The following COL13A1 variants were observed in gnomAD, a reference collection of about 807,000 sequenced individuals.
COL13A1 encodes collagen type XIII alpha 1 chain, also known as collagen alpha-1(XIII) chain.
In COL13A1, 89 loss-of-function variants were observed where a neutral mutation model predicts 130.9. That is an observed-to-expected ratio of 0.68 (90% CI 0.57 to 0.81). COL13A1 has a LOEUF of 0.81. Among genes scored for constraint, COL13A1 ranks in the 30% least tolerant of loss-of-function variants. The pLI is 0.00. For missense variants in COL13A1, 879 were observed against 934.6 expected (o/e 0.94, Z 0.78); for synonymous variants, 402 against 341.6 (o/e 1.18, Z -1.95).
At chr10:69,910,954 C>A (rs1013903278) in intron 17 of COL13A1, among the ~76,000 whole-genome samples, 1 of 152,212 alleles carries the variant, frequency 6.6e-6, no homozygotes, top group African/African-American at 2.4e-5. Context: ...AACACACATT[C>A]CCCTCTTTCA....
At chr10:69,876,788 G>A (rs55884011) in intron 5 of COL13A1, among the ~76,000 whole-genome samples, 15,438 of 152,284 alleles carry the variant, frequency 0.1, 1,013 homozygotes, top group Non-Finnish European at 0.15. Flanking sequence ...CCAAAATAGG[G>A]TGGAGTTGGG....
chr10:69,943,168 C>G (rs1311746966), intron 35 of COL13A1, among the ~76,000 whole-genome samples: 1 of 152,170 alleles, frequency 6.6e-6, no homozygotes, highest in Non-Finnish European at 1.5e-5. Context: ...TTCTGCTGTG[C>G]TATTATGGAT....
At position 69,855,865 on chromosome 10, in the gene COL13A1, C is replaced by G. The variant is rs1051518493; in HGVS notation, c.365-11933C>G. On this transcript the variant is annotated intron_variant, in intron 2 of 40. Coordinates refer to ENST00000645393, the MANE Select transcript of COL13A1 (RefSeq NM_001368882.1). ...TTCCACTCTTGGTCAAACTAACTCTCACGTACAAGTTCAATGTCCAAACAC... is the reference window on the plus strand; with the variant it reads ...TTCCACTCTTGGTCAAACTAACTCTGACGTACAAGTTCAATGTCCAAACAC... 9.7e-5 allele frequency among the ~76,000 whole-genome samples: 14 copies of G among 144,784 alleles called. No individual in the cohort carries two copies. The Admixed American group carries it at 9.7e-4, about 10-fold the overall frequency. The allele number at this position is 144,784 out of a possible 152,430, so 95.0% of individuals were successfully genotyped here.
In COL13A1 at chr10:69,857,638, T is replaced by C. The variant is rs7905060; in HGVS notation, c.365-10160T>C. Among the ~76,000 whole-genome samples the C allele has an allele frequency of 5.6e-3, 728 of 129,102 alleles. 7 individuals are homozygous for C. The highest frequency in any genetic ancestry group is 0.019 in the African/African-American group (667 of 34,402). 84.7% of individuals were successfully genotyped at this position (129,102 alleles called of 152,430 possible). On this transcript the variant is annotated intron_variant, in intron 2 of 40. Coordinates refer to ENST00000645393, the MANE Select transcript of COL13A1 (RefSeq NM_001368882.1). The stretch of plus-strand genomic sequence containing the variant: ...AACCCATCCCTCCCACCCCGAAAAA[T>C]TGTCTTCTAGGAAACCAGTCCCTGG...
chr10:69,893,775 C>T (rs2061400864), intron 10 of COL13A1, among the ~76,000 whole-genome samples: 1 of 152,234 alleles, frequency 6.6e-6, no homozygotes, highest in Admixed American at 6.5e-5. Flanking sequence ...TGTCACCTCA[C>T]TCGGGAGCTG....
At chr10:69,866,606 T>C (rs1021901787) in intron 2 of COL13A1, among the ~76,000 whole-genome samples, 11 of 151,998 alleles carry the variant, frequency 7.2e-5, no homozygotes, top group African/African-American at 2.7e-4. Flanking sequence ...TTCTGGGCCC[T>C]GCATGCAAGG....
intron 17 of COL13A1, among the ~76,000 whole-genome samples, chr10:69,913,919 G>A (rs1314293804): frequency 3.3e-5 from 5 of 152,184 alleles, no homozygotes; most frequent in Middle Eastern, 6.8e-3. Context: ...GGTCACTTGC[G>A]AAATTAAGAG....
At chr10:69,933,609 C>T (rs561050188) in intron 31 of COL13A1, among the ~76,000 whole-genome samples, 8 of 152,150 alleles carry the variant, frequency 5.3e-5, no homozygotes, top group East Asian at 1.9e-4. Flanking sequence ...TGCCAAGCCC[C>T]GTCTGAATGT....
At chr10:69,936,081 G>C (rs1275592299) in intron 32 of COL13A1, among the ~76,000 whole-genome samples, 2 of 121,568 alleles carry the variant, frequency 1.6e-5, no homozygotes, top group African/African-American at 3.3e-5. Flanking sequence ...GGGAGGGAGG[G>C]AGGGAGGGAA....
chr10:69,897,307 G>C (rs2061742634), intron 13 of COL13A1, among the ~76,000 whole-genome samples: 1 of 152,104 alleles, frequency 6.6e-6, no homozygotes, highest in Non-Finnish European at 1.5e-5. Context: ...AGGTCTCGGG[G>C]CCTGGAAGAC....
At chr10:69,923,414 G>A (rs527870626) in intron 23 of COL13A1, among the ~76,000 whole-genome samples, 1 of 152,362 alleles carries the variant, frequency 6.6e-6, no homozygotes, top group East Asian at 1.9e-4. Context: ...GAGAAATGAA[G>A]GGGGTCTGTT....
chr10:69,898,633 C>G, intron 13 of COL13A1, 64 bp from the exon 14 acceptor site: 1 of 1,469,558 alleles, frequency 6.8e-7, no homozygotes, highest in Non-Finnish European at 9.4e-7. Context: ...CTTTTGGCAT[C>G]GATCTGAATA....
intron 1 of COL13A1, among the ~76,000 whole-genome samples, chr10:69,820,899 A>G (rs1364820634): frequency 6.6e-6 from 1 of 152,090 alleles, no homozygotes; most frequent in Non-Finnish European, 1.5e-5. Flanking sequence ...AAATCACTCT[A>G]CTTGCTCTGA....
At chr10:69,906,994 G>T (rs1178145437) in intron 17 of COL13A1, among the ~76,000 whole-genome samples, 1 of 152,166 alleles carries the variant, frequency 6.6e-6, no homozygotes, top group Non-Finnish European at 1.5e-5. Context: ...CTCCCAAAGT[G>T]CTGGGATTAC....
Position 69,930,545 on chromosome 10 carries a change from G to A in COL13A1, c.1676G>A (p.Gly559Asp), listed in dbSNP as rs769110389. The A allele has an allele frequency of 3.7e-6, 6 of 1,612,758 alleles. No individual in the cohort carries two copies. The Admixed American group carries it at 1.0e-4, about 27-fold the overall frequency. Residue 559 changes from glycine to aspartate, a missense_variant, in exon 30 of 41, where the codon GGC becomes GAC. This residue lies in a region of COL13A1 where 715 missense variants were observed against 721.0 expected (regional missense o/e 0.99). Transcript: ENST00000645393. ...GAAAAAGGGGAGACAGGACAAGCAG[G>A]CTCACCGGTGAGTGGCAGGGCTGGC... ...KGEKGETGQA[G>D]SPGEKGEAGE...
At chr10:69,947,619 T>G (rs1295893532) in intron 38 of COL13A1, among the ~76,000 whole-genome samples, 1 of 152,150 alleles carries the variant, frequency 6.6e-6, no homozygotes, top group Non-Finnish European at 1.5e-5. Context: ...AAGATCCATG[T>G]GTCCAGCTCT....
intron 2 of COL13A1, among the ~76,000 whole-genome samples, chr10:69,847,674 A>T (rs1384079065): frequency 1.3e-5 from 2 of 152,228 alleles, no homozygotes; most frequent in East Asian, 1.9e-4. Flanking sequence ...GCTCTGCAGC[A>T]TCTCAGCTTG....
intron 1 of COL13A1, among the ~76,000 whole-genome samples, chr10:69,818,530 G>T (rs1845199037): frequency 1.3e-5 from 2 of 152,228 alleles, no homozygotes; most frequent in African/African-American, 4.8e-5. Flanking sequence ...AAAAGAGATT[G>T]GCTCATGTGA....
At chr10:69,822,287 C>T in intron 1 of COL13A1, 82 bp from the exon 2 acceptor site, 1 of 1,112,974 alleles carries the variant, frequency 9.0e-7, no homozygotes, top group Non-Finnish European at 1.2e-6. Context: ...TCTTCCTGCC[C>T]TCCTCGTCAG....
Sources: allele counts gnomAD v4.1 joint callset (sites outside exome capture counted in the v4.1 genomes callset), GRCh38; gene constraint gnomAD v4.1.1; regional missense constraint gnomAD v4.1.1; transcripts MANE v1.5; gene names NCBI Gene and HGNC (gene_info 2026-07-23, HGNC 2026-07-21).